Variants in CPA6 observed in about 807,000 individuals in gnomAD.
CPA6 encodes carboxypeptidase A6.
In CPA6, 58 loss-of-function variants were observed where a neutral mutation model predicts 63.3. The observed-to-expected ratio is 0.92, with a 90% CI of 0.74 to 1.14. The LOEUF (loss-of-function observed/expected upper bound fraction) is 1.14, where lower values mean the gene tolerates loss of function less well. CPA6 is among the 50% of genes most tolerant of loss of function. The pLI is 0.00. For synonymous variants in CPA6, 185 were observed against 179.0 expected (o/e 1.03, Z -0.27); for missense variants, 565 against 526.6 (o/e 1.07, Z -0.71).
chr8:67,688,431 G>C (rs948689641), intron 1 of CPA6, among the ~76,000 whole-genome samples: 1 of 152,092 alleles, frequency 6.6e-6, no homozygotes, highest in South Asian at 2.1e-4. Context: ...CAAAGGGAAC[G>C]CTCCTTATTA....
At chr8:67,728,246 C>T (rs1301095155) in intron 1 of CPA6, among the ~76,000 whole-genome samples, 2 of 152,140 alleles carry the variant, frequency 1.3e-5, no homozygotes, top group African/African-American at 2.4e-5. Flanking sequence ...TCCCCACTTA[C>T]CTCTCCTCTA....
intron 8 of CPA6, among the ~76,000 whole-genome samples, chr8:67,440,540 C>T (rs1457501147): frequency 6.6e-6 from 1 of 152,098 alleles, no homozygotes; most frequent in East Asian, 1.9e-4. Context: ...CACTGTACTC[C>T]AGCCTGGGTG....
At chr8:67,453,003 C>T (rs960659826) in intron 8 of CPA6, among the ~76,000 whole-genome samples, 2 of 152,170 alleles carry the variant, frequency 1.3e-5, no homozygotes, top group Non-Finnish European at 2.9e-5. Context: ...TATTAAGTCC[C>T]TTAGGCAAGT....
chr8:67,573,303 C>T (rs550964168), intron 2 of CPA6, among the ~76,000 whole-genome samples: 5 of 152,200 alleles, frequency 3.3e-5, no homozygotes, highest in Admixed American at 1.3e-4. Flanking sequence ...AAATAAAAAG[C>T]GTCCAAACAG....
chr8:67,434,709 G>A (rs1425846072), intron 8 of CPA6, among the ~76,000 whole-genome samples: 2 of 152,110 alleles, frequency 1.3e-5, no homozygotes, highest in African/African-American at 2.4e-5. Context: ...AGCAGCTGCA[G>A]CTGCAGCAGT....
intron 2 of CPA6, among the ~76,000 whole-genome samples, chr8:67,602,953 C>T (rs992359273): frequency 2.3e-4 from 35 of 152,222 alleles, no homozygotes; most frequent in African/African-American, 7.7e-4. Context: ...TTTTATAATT[C>T]TGTGCTTTCT....
intron 10 of CPA6, among the ~76,000 whole-genome samples, chr8:67,426,546 C>T (rs1385793585): frequency 1.3e-5 from 2 of 151,736 alleles, no homozygotes; most frequent in Non-Finnish European, 2.9e-5. Flanking sequence ...ACTATTGATA[C>T]TCCTGACATT....
chr8:67,552,549 G>A (rs575991173), intron 2 of CPA6, among the ~76,000 whole-genome samples: 16 of 152,000 alleles, frequency 1.1e-4, no homozygotes, highest in East Asian at 9.6e-4. Flanking sequence ...CAAGGCGGGC[G>A]GATCACAAGA....
intron 1 of CPA6, among the ~76,000 whole-genome samples, chr8:67,711,409 C>T (rs1415321708): frequency 6.6e-6 from 1 of 152,216 alleles, no homozygotes; most frequent in Admixed American, 6.5e-5. Context: ...AGGGTTTCCA[C>T]ACAGCATTTG....
chr8:67,483,173 A>T (rs1487161324), intron 8 of CPA6: 2 of 152,532 alleles, frequency 1.3e-5, no homozygotes, highest in Non-Finnish European at 2.9e-5. Flanking sequence ...ACTAGCCATG[A>T]CTAATTTTCT....
intron 2 of CPA6, among the ~76,000 whole-genome samples, chr8:67,524,332 T>C (rs1051628354): frequency 6.6e-6 from 1 of 152,238 alleles, no homozygotes; most frequent in African/African-American, 2.4e-5. Flanking sequence ...TTGCAAAAGC[T>C]GGGATGGTTT....
At chr8:67,609,463 A>G (rs535148303) in intron 2 of CPA6, among the ~76,000 whole-genome samples, 305 of 152,338 alleles carry the variant, frequency 2.0e-3, no homozygotes, top group Non-Finnish European at 2.3e-3. Context: ...TAAATAATAA[A>G]TTATGCTAAG....
intron 8 of CPA6, among the ~76,000 whole-genome samples, chr8:67,482,735 T>C (rs887280858): frequency 1.3e-5 from 2 of 152,222 alleles, no homozygotes; most frequent in Non-Finnish European, 2.9e-5. Flanking sequence ...CATGAGGTGG[T>C]TGGCATTATA....
chr8:67,681,195 A>ATTTTTTTTTTTT (rs1554533441), intron 1 of CPA6, among the ~76,000 whole-genome samples: 37 of 97,118 alleles, frequency 3.8e-4, no homozygotes, highest in African/African-American at 8.9e-4. Flanking sequence ...GGTCACAAAG[A>ATTTTTTTTTTTT]TTTTCTTTTT....
intron 6 of CPA6, among the ~76,000 whole-genome samples, chr8:67,487,516 G>C (rs571156675): frequency 6.6e-6 from 1 of 152,128 alleles, no homozygotes; most frequent in Non-Finnish European, 1.5e-5. Flanking sequence ...TAAACATAAC[G>C]TGTGCATGTG....
intron 2 of CPA6, among the ~76,000 whole-genome samples, chr8:67,555,833 A>G (rs1813047675): frequency 6.6e-6 from 1 of 152,202 alleles, no homozygotes; most frequent in Non-Finnish European, 1.5e-5. Context: ...AAAATCACAC[A>G]TATTTGGTGT....
At chr8:67,555,249 G>A (rs142682057) in intron 2 of CPA6, among the ~76,000 whole-genome samples, 126 of 152,290 alleles carry the variant, frequency 8.3e-4, no homozygotes, top group African/African-American at 2.6e-3. Context: ...AAAACCAACC[G>A]TGTAACTGGA....
At chr8:67,471,919 G>T (rs1041325345) in intron 8 of CPA6, among the ~76,000 whole-genome samples, 2 of 151,892 alleles carry the variant, frequency 1.3e-5, no homozygotes, top group Non-Finnish European at 2.9e-5. Flanking sequence ...TGGTAACAAG[G>T]ACCCAAAAAA....
intron 2 of CPA6, among the ~76,000 whole-genome samples, chr8:67,592,159 C>G (rs1374293079): frequency 6.6e-6 from 1 of 152,184 alleles, no homozygotes; most frequent in African/African-American, 2.4e-5. Context: ...TGGTTTTTGT[C>G]TTTGGTTCTG....
Sources: gnomAD v4.1 joint callset for allele counts (sites outside exome capture counted in the v4.1 genomes callset) on GRCh38, gnomAD v4.1.1 for gene constraint, MANE v1.5 for transcripts, NCBI Gene and HGNC (gene_info 2026-07-23, HGNC 2026-07-21) for gene names.